The following APP variants were observed in gnomAD, a reference collection of about 807,000 sequenced individuals.
APP encodes amyloid beta precursor protein, also known as amyloid-beta precursor protein.
APP carries 31 observed loss-of-function variants against 101.4 expected under a neutral mutation model. The ratio of observed to expected loss-of-function variants is 0.31; its 90% CI spans 0.23 to 0.41. APP has a LOEUF of 0.41. Ranked by LOEUF, APP falls within the 10% of genes least tolerant of loss-of-function variation. APP has a pLI of 1.00. For synonymous variants in APP, 366 were observed against 364.4 expected, an observed-to-expected ratio of 1.00 and a Z score of -0.05; for missense variants, 839 against 1,003.7, an observed-to-expected ratio of 0.84 and a Z score of 2.22.
intron 13 of APP, among the ~76,000 whole-genome samples, chr21:25,950,337 C>A (rs114473435): frequency 0.015 from 2,237 of 150,682 alleles, 43 homozygotes; most frequent in African/African-American, 0.051. Flanking sequence ...TTGAAAGGTG[C>A]AACTTTTCAA....
chr21:25,886,447 G>T (rs1448808184), intron 17 of APP, among the ~76,000 whole-genome samples: 1 of 151,852 alleles, frequency 6.6e-6, no homozygotes, highest in Non-Finnish European at 1.5e-5. Context: ...AGGCTGGAGT[G>T]CAGTGGCGTG....
At chr21:26,013,862 G>A (rs1208370565) in intron 6 of APP, among the ~76,000 whole-genome samples, 2 of 152,108 alleles carry the variant, frequency 1.3e-5, no homozygotes, top group Non-Finnish European at 2.9e-5. Context: ...GCTTGTCCAT[G>A]TCCTGCTTCA....
At chr21:26,155,383 T>G (rs2063354144) in intron 1 of APP, among the ~76,000 whole-genome samples, 2 of 152,224 alleles carry the variant, frequency 1.3e-5, no homozygotes, top group Non-Finnish European at 2.9e-5. Flanking sequence ...CCTGTTGAAA[T>G]AACATTTTGA....
At chr21:26,053,480 C>T in intron 3 of APP, 132 bp from the exon 4 acceptor site, 1 of 692,610 alleles carries the variant, frequency 1.4e-6, no homozygotes, top group Non-Finnish European at 2.6e-6. Context: ...CCAATCAAGA[C>T]CCTACTACCT....
chr21:25,946,824 TG>T (rs2040843753), intron 13 of APP, among the ~76,000 whole-genome samples: 1 of 152,168 alleles, frequency 6.6e-6, no homozygotes, highest in Non-Finnish European at 1.5e-5. Context: ...GAAAACACTG[TG>T]GTTGATATTT....
At chr21:25,924,853 G>C (rs2039814816) in intron 13 of APP, among the ~76,000 whole-genome samples, 1 of 150,322 alleles carries the variant, frequency 6.7e-6, no homozygotes, top group Non-Finnish European at 1.5e-5. Flanking sequence ...ATTTTCTTCT[G>C]TCTAGGATCG....
intron 5 of APP, among the ~76,000 whole-genome samples, chr21:26,022,729 C>CA (rs2044396997): frequency 6.6e-6 from 1 of 152,172 alleles, no homozygotes; most frequent in African/African-American, 2.4e-5. Flanking sequence ...AATTACTTCT[C>CA]ATAGTGCACA....
chr21:26,059,665 T>A (rs1006471413), intron 3 of APP, among the ~76,000 whole-genome samples: 1 of 151,892 alleles, frequency 6.6e-6, no homozygotes, highest in African/African-American at 2.4e-5. Context: ...CCGAGACGGG[T>A]GGATCACAAG....
chr21:25,911,993 G>C lies in APP; in HGVS notation c.1688-31C>G, dbSNP rs1177444605. The C allele has an allele frequency of 2.6e-6, 4 of 1,541,098 alleles. No homozygotes were observed. In the Admixed American group the frequency reaches 5.0e-5, roughly 19 times the overall value. ...CCAAACAAAACCATCTCTTTGGTGA[G>C]TAACAACAATCACAACAGCAGCAGC... On this transcript the variant is annotated intron_variant, in intron 13 of 17. Coordinates refer to ENST00000346798, the MANE Select transcript of APP (RefSeq NM_000484.4).
intron 9 of APP, among the ~76,000 whole-genome samples, chr21:25,979,557 T>C (rs570812804): frequency 6.6e-6 from 1 of 152,318 alleles, no homozygotes; most frequent in South Asian, 2.1e-4. Context: ...TGGAATCTAG[T>C]AGACAACATT....
chr21:25,888,862 C>T (rs1033002232), intron 17 of APP, among the ~76,000 whole-genome samples: 4 of 152,218 alleles, frequency 2.6e-5, no homozygotes, highest in African/African-American at 9.7e-5. Context: ...TTTCCACTCC[C>T]TGAGGCTTGC....
intron 13 of APP, among the ~76,000 whole-genome samples, chr21:25,951,602 A>G (rs1477391802): frequency 2.0e-5 from 3 of 152,232 alleles, no homozygotes; most frequent in African/African-American, 4.8e-5. Context: ...TTGATTATAT[A>G]CAGAAATAGC....
chr21:26,116,799 A>G (rs2062445499), intron 1 of APP, among the ~76,000 whole-genome samples: 1 of 152,164 alleles, frequency 6.6e-6, no homozygotes, highest in Non-Finnish European at 1.5e-5. Context: ...CCCGCTGACT[A>G]GTCTAAATAG....
At chr21:26,121,860 C>A (rs2062579882) in intron 1 of APP, among the ~76,000 whole-genome samples, 2 of 152,022 alleles carry the variant, frequency 1.3e-5, no homozygotes, top group African/African-American at 4.8e-5. Flanking sequence ...CTCATTGACC[C>A]ACTGCAATGT....
At chr21:25,888,767 CTGACTAAA>C (rs970222960) in intron 17 of APP, among the ~76,000 whole-genome samples, 4 of 124,266 alleles carry the variant, frequency 3.2e-5, no homozygotes, top group African/African-American at 1.3e-4. Context: ...GCTTGGTAAA[CTGACTAAA>C]AAAAGAGCGT....
intron 1 of APP, among the ~76,000 whole-genome samples, chr21:26,128,987 A>G (rs2062738128): frequency 6.6e-6 from 1 of 152,254 alleles, no homozygotes; most frequent in Non-Finnish European, 1.5e-5. Context: ...AATGATGATT[A>G]TAATAACACA....
intron 1 of APP, among the ~76,000 whole-genome samples, chr21:26,159,831 C>G (rs138184998): frequency 7.7e-4 from 117 of 152,264 alleles, no homozygotes; most frequent in African/African-American, 2.2e-3. Flanking sequence ...TGTGTCCCTA[C>G]AATATGACCC....
chr21:25,885,520 A>G (rs1388358048), intron 17 of APP, among the ~76,000 whole-genome samples: 1 of 152,174 alleles, frequency 6.6e-6, no homozygotes, highest in Non-Finnish European at 1.5e-5. Context: ...GAAGACACAC[A>G]TACATACAAC....
intron 5 of APP, among the ~76,000 whole-genome samples, chr21:26,024,980 A>T (rs1206237026): frequency 6.6e-6 from 1 of 152,252 alleles, no homozygotes; most frequent in Non-Finnish European, 1.5e-5. Context: ...AGAAAATCCT[A>T]ATCAGTTATT....
Sources: gnomAD v4.1 joint callset for allele counts (sites outside exome capture counted in the v4.1 genomes callset) on GRCh38, gnomAD v4.1.1 for gene constraint, MANE v1.5 for transcripts, NCBI Gene and HGNC (gene_info 2026-07-23, HGNC 2026-07-21) for gene names.